PANK3: variants seen among roughly 807,000 people sequenced by gnomAD.
The protein encoded by PANK3 is pantothenate kinase 3.
Under a neutral mutation model 39.4 loss-of-function variants are expected in PANK3, and 20 were observed. The observed-to-expected ratio is 0.51, with a 90% CI of 0.36 to 0.74. PANK3 has a LOEUF of 0.74. Among genes scored for constraint, PANK3 ranks in the 30% least tolerant of loss-of-function variants. The pLI is 0.00. For missense variants in PANK3, 265 were observed against 437.0 expected, an observed-to-expected ratio of 0.61 and a Z score of 3.51; for synonymous variants, 140 against 157.3, an observed-to-expected ratio of 0.89 and a Z score of 0.82.
chr5:168,565,885 A>ATATATATATATATATATATATATATTT (rs1441027360), intron 3 of PANK3, 128 bp downstream of exon 3: 1 of 192,928 alleles, frequency 5.2e-6, no homozygotes, highest in African/African-American at 2.7e-5. Context: ...ATATATATAT[A>ATATATATATATATATATATATATATTT]TTTTTTTTTT....
At chr5:168,579,005 T>C (rs1236372972) in intron 1 of PANK3, among the ~76,000 whole-genome samples, 1 of 152,202 alleles carries the variant, frequency 6.6e-6, no homozygotes, top group Non-Finnish European at 1.5e-5. Context: ...AAATTCCCTC[T>C]GGCACCTCCC....
chr5:168,558,896 G>T, intron 6 of PANK3, 136 bp downstream of exon 6: 2 of 707,628 alleles, frequency 2.8e-6, no homozygotes, highest in Non-Finnish European at 4.2e-6. Flanking sequence ...GAGGTGGGAG[G>T]ATTGATGAGC....
In PANK3 at chr5:168,568,661, T is replaced by C; in HGVS notation, c.366A>G (p.Glu122=). ...CATGGGAYKF[E]KDFRTIGNLH... is the part of the protein sequence containing the mutation. ...AGATACCTACTGTGCGAAAATCTTT[T>C]TCAAACTTGTAAGCACCACCTCCTG... Residue 122 remains glutamate (E), a synonymous_variant, in exon 2 of 7, where the codon GAA becomes GAG. Transcript: ENST00000239231. 1 of 1,604,676 alleles carries C rather than the reference T, an allele frequency of 6.2e-7. No individual in the cohort carries two copies. Among genetic ancestry groups the C allele is most frequent in the Non-Finnish European group, 8.5e-7 (1 of 1,175,582 alleles).
At chr5:168,577,675 T>C (rs1759750295) in intron 1 of PANK3, among the ~76,000 whole-genome samples, 1 of 152,176 alleles carries the variant, frequency 6.6e-6, no homozygotes, top group South Asian at 2.1e-4. Flanking sequence ...CTTTATAATC[T>C]CTCCTAAAAC....
At chr5:168,565,567 T>C (rs1759511010) in intron 3 of PANK3, among the ~76,000 whole-genome samples, 1 of 152,074 alleles carries the variant, frequency 6.6e-6, no homozygotes, top group Admixed American at 6.6e-5. Flanking sequence ...ACACTGTTGC[T>C]TCCAAGTAAA....
At position 168,551,401 on chromosome 5, in the gene PANK3, C is replaced by T. The variant is rs992607367; in HGVS notation, c.*6170G>A. On this transcript the variant is annotated 3_prime_UTR_variant, in exon 7 of 7. Coordinates refer to ENST00000239231, the MANE Select transcript of PANK3 (RefSeq NM_024594.4). ...GTTAAGTTAAATTCAAAATAATGTA[C>T]ACTCATTTTCATTATCCTCTATCAG... 2 of 152,166 alleles carry T rather than the reference C, an allele frequency of 1.3e-5. No homozygotes were observed. Among genetic ancestry groups the T allele is most frequent in the African/African-American group, 4.8e-5 (2 of 41,440 alleles). 9.4% of individuals were successfully genotyped at this position (152,166 alleles called of 1,614,324 possible). A position where few individuals can be genotyped will look rare whatever the true frequency, so the allele number is the denominator to read the frequency against.
At chr5:168,570,363 C>T (rs1309395481) in intron 1 of PANK3, among the ~76,000 whole-genome samples, 3 of 138,442 alleles carry the variant, frequency 2.2e-5, no homozygotes, top group Non-Finnish European at 3.0e-5. Flanking sequence ...CCAGCCTGGG[C>T]GACGGAGCAA....
In PANK3 at chr5:168,568,648, T is replaced by G; in HGVS notation, c.379A>C (p.Thr127Pro). The G allele has an allele frequency of 6.3e-7, 1 of 1,598,098 alleles. No homozygotes were observed. The highest frequency in any genetic ancestry group is 8.5e-7 in the Non-Finnish European group (1 of 1,169,944). ...GAYKFEKDFR[T>P]IGNLHLHKLD... ...AGTTTTGAGTAAAAGATACCTACTG[T>G]GCGAAAATCTTTTTCAAACTTGTAA... The change falls in exon 2 of 7, where the codon ACA becomes CCA. Residue 127 changes from threonine (T) to proline (P), a missense_variant and splice_region_variant. Around this residue, in one of 3 missense-constraint regions of PANK3, gnomAD observed 154 missense variants for 256.8 expected, o/e 0.60. Coordinates refer to ENST00000239231, the MANE Select transcript of PANK3 (RefSeq NM_024594.4).
Position 168,553,723 on chromosome 5 carries a change from G to A in PANK3, c.*3848C>T, listed in dbSNP as rs1759308328. ...TTCAAATATTCAAGAAGAGCTAGGA[G>A]TGGGATTCCAGAGACACTTCTTCCA... On this transcript the variant is annotated 3_prime_UTR_variant, in exon 7 of 7. Transcript: ENST00000239231. The A allele has an allele frequency of 3.2e-5, 5 of 155,112 alleles. No individual in the cohort carries two copies. The highest frequency in any genetic ancestry group is 3.2e-4 in the Admixed American group (5 of 15,562). The allele number at this position is 155,112 out of a possible 1,614,324, so 9.6% of individuals were successfully genotyped here. A position where few individuals can be genotyped will look rare whatever the true frequency, so the allele number is the denominator to read the frequency against.
At chr5:168,569,337 A>C (rs1051143826) in intron 1 of PANK3, among the ~76,000 whole-genome samples, 1 of 149,938 alleles carries the variant, frequency 6.7e-6, no homozygotes, top group Non-Finnish European at 1.5e-5. Context: ...GGTGCCCACC[A>C]CCACGCCTGC....
chr5:168,570,604 C>T (rs1759613613), intron 1 of PANK3, among the ~76,000 whole-genome samples: 3 of 152,108 alleles, frequency 2.0e-5, no homozygotes, highest in South Asian at 4.1e-4. Context: ...CTGTGTTTGA[C>T]CGTAGAAAAT....
At chr5:168,576,849 G>A (rs1325912335) in intron 1 of PANK3, among the ~76,000 whole-genome samples, 1 of 151,698 alleles carries the variant, frequency 6.6e-6, no homozygotes, top group African/African-American at 2.4e-5. Context: ...GTTAACCTGA[G>A]TGATTTAAAG....
intron 3 of PANK3, among the ~76,000 whole-genome samples, 146 bp downstream of exon 3, chr5:168,565,857 TAAAAAAAAAA>T (rs33910263): frequency 9.6e-6 from 1 of 104,306 alleles, no homozygotes. Context: ...CTCTTTCACT[TAAAAAAAAAA>T]AATATATATA....
intron 4 of PANK3, among the ~76,000 whole-genome samples, chr5:168,562,664 G>T (rs965918328): frequency 6.6e-6 from 1 of 152,140 alleles, no homozygotes; most frequent in African/African-American, 2.4e-5. Flanking sequence ...ATTTGGAGAG[G>T]CCTTTTTAAA....
intron 3 of PANK3, 121 bp downstream of exon 3, chr5:168,565,892 T>A (rs1379792114): frequency 2.3e-4 from 75 of 326,392 alleles, no homozygotes; most frequent in African/African-American, 1.3e-3. Context: ...TATATTTTTT[T>A]TTTTTGCTGT....
Position 168,557,601 on chromosome 5 carries a change from A to ACCAACTGCT in PANK3, c.1074_1082dup (p.Val360_Ala362dup). ...TGAAATTTGGCAGCCCAAGAAGTGC[A>ACCAACTGCT]CCAACTGCTCCAAAGTAACCCTGTG... is the stretch of plus-strand genomic sequence containing the variant. On this transcript the variant is annotated inframe_insertion, in exon 7 of 7. Coordinates refer to ENST00000239231, the MANE Select transcript of PANK3 (RefSeq NM_024594.4). 4 of 1,614,006 alleles carry ACCAACTGCT rather than the reference A, an allele frequency of 2.5e-6. No individual in the cohort carries two copies. Among genetic ancestry groups the ACCAACTGCT allele is most frequent in the Non-Finnish European group, 3.4e-6 (4 of 1,179,938 alleles).
chr5:168,579,124 C>T (rs1759786524), intron 1 of PANK3, 132 bp downstream of exon 1: 8 of 724,626 alleles, frequency 1.1e-5, no homozygotes, highest in Non-Finnish European at 1.6e-5. Context: ...CTCAAATGGT[C>T]CCTCCGCCCC....
At chr5:168,565,320 C>A (rs1423876451) in intron 3 of PANK3, among the ~76,000 whole-genome samples, 1 of 152,054 alleles carries the variant, frequency 6.6e-6, no homozygotes, top group Admixed American at 6.6e-5. Context: ...TCTTATTTCT[C>A]ATTCGTATTT....
At chr5:168,562,352 A>C (rs1298967653) in intron 4 of PANK3, among the ~76,000 whole-genome samples, 1 of 152,230 alleles carries the variant, frequency 6.6e-6, no homozygotes, top group Admixed American at 6.5e-5. Flanking sequence ...AGAAAAAATG[A>C]GAAGAAAAAT....
Sources: gnomAD v4.1 joint callset for allele counts (sites outside exome capture counted in the v4.1 genomes callset) on GRCh38, gnomAD v4.1.1 for gene constraint, gnomAD v4.1.1 regional missense constraint, MANE v1.5 for transcripts, NCBI Gene and HGNC (gene_info 2026-07-23, HGNC 2026-07-21) for gene names.